The following VRK2 variants were observed in gnomAD, a reference collection of about 807,000 sequenced individuals.
VRK2 encodes VRK serine/threonine kinase 2, also known as serine/threonine-protein kinase VRK2.
In VRK2, 60 loss-of-function variants were observed where a neutral mutation model predicts 57.6. The observed-to-expected ratio is 1.04, with a 90% confidence interval of 0.85 to 1.29. VRK2 has a LOEUF of 1.29. Among genes scored for constraint, VRK2 ranks in the 50% most tolerant of loss-of-function variants. The pLI is 0.00. For missense variants in VRK2, 705 were observed against 588.1 expected, an observed-to-expected ratio of 1.20 and a Z score of -2.06; for synonymous variants, 231 against 199.2, an observed-to-expected ratio of 1.16 and a Z score of -1.35.
intron 1 of VRK2, among the ~76,000 whole-genome samples, chr2:57,996,924 A>G (rs1672942582): frequency 6.6e-6 from 1 of 151,822 alleles, no homozygotes; most frequent in East Asian, 1.9e-4. Context: ...TTTTTTTATT[A>G]TATTTTTTCC....
intron 11 of VRK2, among the ~76,000 whole-genome samples, chr2:58,142,649 T>G (rs1053195342): frequency 2.6e-5 from 4 of 151,760 alleles, no homozygotes; most frequent in Non-Finnish European, 5.9e-5. Context: ...ATTTCCAAAA[T>G]TCACTGAAAG....
At position 58,144,107 on chromosome 2, in the gene VRK2, A is replaced by G. The variant is rs1054586003; in HGVS notation, c.1024-2209A>G. Among the ~76,000 whole-genome samples, 9 of 151,892 alleles carry G rather than the reference A, an allele frequency of 5.9e-5. 1 individual carries two copies. Among genetic ancestry groups the G allele is most frequent in the Admixed American group, 4.6e-4 (7 of 15,190 alleles). On this transcript the variant is annotated intron_variant, in intron 11 of 12. Coordinates refer to ENST00000340157, the MANE Select transcript of VRK2 (RefSeq NM_006296.7). ...CTGACATTTGCAACATCATGGATGA[A>G]TCTGGAGGACATTATGCTAAGTGAA...
At chr2:57,961,550 A>G (rs925410979) in intron 1 of VRK2, among the ~76,000 whole-genome samples, 1 of 151,882 alleles carries the variant, frequency 6.6e-6, no homozygotes, top group Admixed American at 6.6e-5. Context: ...CCACCATGCT[A>G]TACTGATCCT....
intron 9 of VRK2, among the ~76,000 whole-genome samples, chr2:58,133,141 AAT>A: frequency 6.6e-6 from 1 of 152,270 alleles, no homozygotes; most frequent in Non-Finnish European, 1.5e-5. Context: ...TGATAAGACT[AAT>A]ATGACTTGCT....
At chr2:57,998,877 T>C (rs540889287) in intron 1 of VRK2, among the ~76,000 whole-genome samples, 76 of 152,350 alleles carry the variant, frequency 5.0e-4, no homozygotes, top group African/African-American at 1.6e-3. Context: ...TTGTCTGATA[T>C]TGGACTAATT....
chr2:58,135,047 G>A, intron 9 of VRK2, 94 bp from the exon 10 acceptor site: 3 of 1,328,710 alleles, frequency 2.3e-6, no homozygotes, highest in South Asian at 2.6e-5. Context: ...CACAATTTTG[G>A]TGACCTACCA....
intron 7 of VRK2, among the ~76,000 whole-genome samples, chr2:58,095,146 T>C (rs1363502285): frequency 6.6e-6 from 1 of 151,908 alleles, no homozygotes; most frequent in Non-Finnish European, 1.5e-5. Flanking sequence ...ATACAAAAAT[T>C]ATCCGGGCGT....
At chr2:58,131,641 C>T (rs537536622) in intron 8 of VRK2, among the ~76,000 whole-genome samples, 167 bp from the exon 9 acceptor site, 143 of 152,222 alleles carry the variant, frequency 9.4e-4, no homozygotes, top group Middle Eastern at 3.4e-3. Flanking sequence ...TGTCTGTGGA[C>T]TGGGGCCAAA....
upstream of VRK2, among the ~76,000 whole-genome samples, chr2:58,043,232 G>C (rs1674533596): frequency 6.6e-6 from 1 of 152,074 alleles, no homozygotes; most frequent in South Asian, 2.1e-4. Flanking sequence ...AAAATATGGT[G>C]GTTCAGGATT....
At chr2:58,130,830 T>C (rs1369570949) in intron 8 of VRK2, among the ~76,000 whole-genome samples, 2 of 152,162 alleles carry the variant, frequency 1.3e-5, no homozygotes, top group Admixed American at 1.3e-4. Context: ...CAATTTTGAA[T>C]GACTACAAAA....
At chr2:57,923,213 T>C (rs1292413463) in intron 1 of VRK2, among the ~76,000 whole-genome samples, 1 of 152,048 alleles carries the variant, frequency 6.6e-6, no homozygotes. Flanking sequence ...TATAAACTGA[T>C]TTCTATTCTT....
chr2:57,991,577 T>C (rs1672767793), intron 1 of VRK2, among the ~76,000 whole-genome samples: 1 of 152,100 alleles, frequency 6.6e-6, no homozygotes, highest in Admixed American at 6.5e-5. Context: ...ATAACATTCA[T>C]GTGTTAGTTC....
At chr2:58,014,105 A>G (rs978879791) in intron 1 of VRK2, among the ~76,000 whole-genome samples, 1 of 152,270 alleles carries the variant, frequency 6.6e-6, no homozygotes, top group East Asian at 1.9e-4. Context: ...AGCAGAGACA[A>G]TTCTTTGCTA....
At chr2:58,159,875 T>C, downstream of VRK2, 7 of 1,593,534 alleles carry the variant, frequency 4.4e-6, no homozygotes, top group African/African-American at 1.3e-5. Flanking sequence ...CTAGAAATAG[T>C]GTCATAGAAT....
At chr2:58,074,857 A>G (rs1233021754) in intron 2 of VRK2, among the ~76,000 whole-genome samples, 1 of 152,046 alleles carries the variant, frequency 6.6e-6, no homozygotes, top group Non-Finnish European at 1.5e-5. Context: ...ACCTTTTATA[A>G]TCTTACGACT....
intron 1 of VRK2, among the ~76,000 whole-genome samples, chr2:57,966,963 G>C (rs1302833866): frequency 1.3e-5 from 2 of 152,148 alleles, no homozygotes; most frequent in Non-Finnish European, 2.9e-5. Context: ...ATCAGCAGGA[G>C]AGAGTCTAGT....
intron 7 of VRK2, among the ~76,000 whole-genome samples, chr2:58,096,510 G>C (rs1384510670): frequency 6.6e-6 from 1 of 151,764 alleles, no homozygotes; most frequent in Non-Finnish European, 1.5e-5. Context: ...TTTTATTTGT[G>C]CGGTGGTCTG....
intron 1 of VRK2, among the ~76,000 whole-genome samples, chr2:57,935,924 C>T (rs1337620465): frequency 6.6e-6 from 1 of 152,098 alleles, no homozygotes; most frequent in African/African-American, 2.4e-5. Flanking sequence ...ATATTTTGCT[C>T]CAAGGTGTGC....
intron 2 of VRK2, among the ~76,000 whole-genome samples, chr2:58,070,581 C>T (rs1015585158): frequency 2.0e-5 from 3 of 152,132 alleles, no homozygotes; most frequent in Admixed American, 1.3e-4. Context: ...CACTATGTAA[C>T]CTTTTCAGAC....
Sources: gnomAD v4.1 joint callset for allele counts (sites outside exome capture counted in the v4.1 genomes callset) on GRCh38, gnomAD v4.1.1 for gene constraint, MANE v1.5 for transcripts, NCBI Gene and HGNC (gene_info 2026-07-23, HGNC 2026-07-21) for gene names.